SYNE2: variants seen among roughly 807,000 people sequenced by gnomAD.
SYNE2 encodes the protein nesprin-2.
Under a neutral mutation model 856.3 loss-of-function variants are expected in SYNE2, and 431 were observed. The observed-to-expected ratio is 0.50, with a 90% CI of 0.47 to 0.55. SYNE2 has a LOEUF of 0.55. SYNE2 is among the 20% of genes least tolerant of loss of function. The probability of loss-of-function intolerance (pLI) is 0.00; values close to 1 mark genes in which losing one functional copy is unlikely to be tolerated. For synonymous variants in SYNE2, 2,923 were observed against 2,872.3 expected, an observed-to-expected ratio of 1.02 and a Z score of -0.56; for missense variants, 8,129 against 8,023.2, an observed-to-expected ratio of 1.01 and a Z score of -0.50.
intron 90 of SYNE2, chr14:64,166,642 T>A: frequency 6.1e-6 from 1 of 163,036 alleles, no homozygotes; most frequent in South Asian, 1.7e-4. Context: ...CCAGAATTGG[T>A]CCTTTTTTAA....
intron 1 of SYNE2, among the ~76,000 whole-genome samples, chr14:63,857,601 G>C (rs1265007711): frequency 6.6e-6 from 1 of 152,166 alleles, no homozygotes; most frequent in African/African-American, 2.4e-5. Flanking sequence ...GAGGGTTCCA[G>C]TTGCCCCAGA....
intron 1 of SYNE2, among the ~76,000 whole-genome samples, chr14:63,832,884 A>AAC (rs1187059157): frequency 2.0e-5 from 3 of 149,732 alleles, no homozygotes; most frequent in Non-Finnish European, 4.5e-5. Context: ...AAAAAAAAAA[A>AAC]AAAAAATTAG....
chr14:63,950,332 T>C (rs972681282), intron 7 of SYNE2, among the ~76,000 whole-genome samples: 1 of 152,124 alleles, frequency 6.6e-6, no homozygotes, highest in African/African-American at 2.4e-5. Flanking sequence ...GGCGGGTAGA[T>C]CACTTGAGGT....
intron 87 of SYNE2, among the ~76,000 whole-genome samples, chr14:64,159,759 ACAAAGGAGTGGGCCAGATGGG>A (rs1277521295): frequency 1.3e-5 from 2 of 152,212 alleles, no homozygotes; most frequent in African/African-American, 4.8e-5. Flanking sequence ...GCAGAAACAG[ACAAAGGAGTGGGCCAGATGGG>A]CATCCTGCAG....
intron 1 of SYNE2, among the ~76,000 whole-genome samples, chr14:63,794,274 T>C (rs1351565634): frequency 2.0e-5 from 3 of 152,166 alleles, no homozygotes; most frequent in Non-Finnish European, 4.4e-5. Flanking sequence ...CAGGCTGGAG[T>C]GCAATGGTGC....
intron 43 of SYNE2, among the ~76,000 whole-genome samples, chr14:64,029,290 G>T (rs541219948): frequency 6.6e-6 from 1 of 152,166 alleles, no homozygotes; most frequent in Non-Finnish European, 1.5e-5. Flanking sequence ...GCAGAAGTTG[G>T]GCAGGGGTTA....
At chr14:63,880,972 C>T (rs527762605) in intron 1 of SYNE2, among the ~76,000 whole-genome samples, 213 of 151,956 alleles carry the variant, frequency 1.4e-3, no homozygotes, top group Non-Finnish European at 1.7e-3. Flanking sequence ...CTCAGCCTCT[C>T]GAGTAGCTGG....
chr14:64,017,037 G>A (rs942871577), intron 33 of SYNE2, among the ~76,000 whole-genome samples: 10 of 151,984 alleles, frequency 6.6e-5, no homozygotes, highest in African/African-American at 2.4e-4. Flanking sequence ...GTTTAGAAAT[G>A]AAGAAGACTA....
chr14:63,801,740 A>G (rs1288590506), intron 1 of SYNE2, among the ~76,000 whole-genome samples: 1 of 152,058 alleles, frequency 6.6e-6, no homozygotes, highest in Non-Finnish European at 1.5e-5. Context: ...TCTATTTAAA[A>G]TTTAGGTTAG....
chr14:64,135,603 C>CT (rs1406877221), intron 78 of SYNE2, among the ~76,000 whole-genome samples: 1 of 152,050 alleles, frequency 6.6e-6, no homozygotes, highest in East Asian at 1.9e-4. Flanking sequence ...TATTTTAAGG[C>CT]TTATTATTTT....
chr14:63,998,510 G>A (rs1383256041), intron 26 of SYNE2, among the ~76,000 whole-genome samples, 182 bp downstream of exon 26: 3 of 152,070 alleles, frequency 2.0e-5, no homozygotes, highest in Non-Finnish European at 2.9e-5. Context: ...ATTTCTTTGT[G>A]TTATTTTATT....
intron 81 of SYNE2, 134 bp downstream of exon 81, chr14:64,141,657 T>C (rs2098140154): frequency 1.0e-6 from 1 of 1,002,372 alleles, no homozygotes; most frequent in South Asian, 1.5e-5. Context: ...ATATAAGTCT[T>C]AATTACTGGA....
intron 61 of SYNE2, among the ~76,000 whole-genome samples, chr14:64,096,267 AC>A (rs2097676258): frequency 6.6e-6 from 1 of 152,212 alleles, no homozygotes; most frequent in African/African-American, 2.4e-5. Flanking sequence ...AAAGTGAAGA[AC>A]CCAGTAACAA....
intron 19 of SYNE2, among the ~76,000 whole-genome samples, chr14:63,989,916 C>G (rs2096654373): frequency 1.3e-5 from 2 of 152,222 alleles, no homozygotes; most frequent in Admixed American, 1.3e-4. Context: ...TCCCAAAGTG[C>G]TAGGATTACA....
chr14:63,958,008 C>T (rs1327252672), intron 8 of SYNE2, among the ~76,000 whole-genome samples: 1 of 151,926 alleles, frequency 6.6e-6, no homozygotes, highest in East Asian at 1.9e-4. Context: ...TGCCACTGCA[C>T]TGTAGCCTTG....
intron 64 of SYNE2, among the ~76,000 whole-genome samples, chr14:64,104,305 T>G (rs1235197716): frequency 6.6e-6 from 1 of 152,108 alleles, no homozygotes; most frequent in Non-Finnish European, 1.5e-5. Context: ...CGGTGTTCCT[T>G]TAACTTTCTT....
intron 1 of SYNE2, among the ~76,000 whole-genome samples, chr14:63,799,692 C>T (rs1888056727): frequency 6.6e-6 from 1 of 151,974 alleles, no homozygotes; most frequent in Non-Finnish European, 1.5e-5. Flanking sequence ...GACTCTGTCT[C>T]AAAAACAAAC....
chr14:63,776,661 A>G (rs1470665897), intron 1 of SYNE2, among the ~76,000 whole-genome samples: 1 of 139,924 alleles, frequency 7.1e-6, no homozygotes, highest in East Asian at 2.1e-4. Flanking sequence ...GTGCAGTGGT[A>G]TGATCTCAGC....
In SYNE2 at chr14:63,986,507, G is replaced by A. The variant is rs994577244; in HGVS notation, c.2203G>A (p.Val735Met). The change falls in exon 19 of 116, where the codon GTG becomes ATG. Residue 735 changes from valine (V) to methionine (M), a missense_variant. Val to Met is a conservative substitution (Grantham distance 21). This residue lies in a region of SYNE2 where 2,422 missense variants were observed against 2,357.4 expected (regional missense o/e 1.03). Coordinates refer to ENST00000555002, the MANE Select transcript of SYNE2 (RefSeq NM_182914.3). ...TGAAGAATTCACAGGGCAACTAAAA[G>A]TGGCTAAAGATGTTGAAAAACTCAT... ...ENEEFTGQLKVAKDVEKLIGQ... is the reference protein window; with the variant it reads ...ENEEFTGQLKMAKDVEKLIGQ... 1.2e-6 allele frequency: 2 copies of A among 1,614,164 alleles called. No homozygotes were observed. The highest frequency in any genetic ancestry group is 1.7e-5 in the Admixed American group (1 of 60,022).
Sources: allele counts gnomAD v4.1 joint callset (sites outside exome capture counted in the v4.1 genomes callset), GRCh38; gene constraint gnomAD v4.1.1; regional missense constraint gnomAD v4.1.1; transcripts MANE v1.5; gene names NCBI Gene and HGNC (gene_info 2026-07-23, HGNC 2026-07-21).